RIC8B: variants seen among roughly 807,000 people sequenced by gnomAD.
RIC8B encodes chaperone Ric-8B.
In RIC8B, 16 loss-of-function variants were observed where a neutral mutation model predicts 57.5. That is an observed-to-expected ratio of 0.28 (90% CI 0.19 to 0.42). The LOEUF is 0.42. Ranked by LOEUF, RIC8B falls within the 10% of genes least tolerant of loss-of-function variation. The probability of loss-of-function intolerance (pLI) is 1.00; values close to 1 mark genes in which losing one functional copy is unlikely to be tolerated. For missense variants in RIC8B, 481 were observed against 677.0 expected (o/e 0.71, Z 3.21); for synonymous variants, 216 against 250.8 (o/e 0.86, Z 1.31).
intron 2 of RIC8B, among the ~76,000 whole-genome samples, chr12:106,788,628 C>T: frequency 6.6e-6 from 1 of 152,202 alleles, no homozygotes; most frequent in East Asian, 1.9e-4. Context: ...ATGGAAGCTG[C>T]CAAGGTCTAG....
At chr12:106,824,273 T>G (rs192741906) in intron 3 of RIC8B, among the ~76,000 whole-genome samples, 30 of 152,274 alleles carry the variant, frequency 2.0e-4, no homozygotes, top group Admixed American at 1.9e-3. Context: ...CCCTCCAGTA[T>G]TTGGAGATTC....
At chr12:106,862,526 A>G (rs1011906250) in intron 8 of RIC8B, among the ~76,000 whole-genome samples, 2 of 151,978 alleles carry the variant, frequency 1.3e-5, no homozygotes, top group Non-Finnish European at 2.9e-5. Flanking sequence ...AGTTGTAAAA[A>G]ATTTTTTACC....
chr12:106,828,531 TAAAGA>T (rs1417160274), intron 4 of RIC8B, among the ~76,000 whole-genome samples: 1 of 152,194 alleles, frequency 6.6e-6, no homozygotes, highest in Non-Finnish European at 1.5e-5. Flanking sequence ...TGATTTGCTT[TAAAGA>T]AAAGTTTAAT....
At chr12:106,802,138 T>A (rs1484612980) in intron 2 of RIC8B, among the ~76,000 whole-genome samples, 1 of 152,242 alleles carries the variant, frequency 6.6e-6, no homozygotes, top group Non-Finnish European at 1.5e-5. Context: ...TGACATCTCA[T>A]TTTTTATCTT....
intron 2 of RIC8B, among the ~76,000 whole-genome samples, chr12:106,787,722 C>T (rs879823221): frequency 5.9e-5 from 9 of 152,186 alleles, no homozygotes; most frequent in South Asian, 2.1e-4. Context: ...TTCACTACCA[C>T]GAGAACAGTA....
rs191208417 is a variant in RIC8B, at chr12:106,835,618, T to A, written c.837-6971T>A. 1.8e-3 allele frequency among the ~76,000 whole-genome samples: 277 copies of A among 152,360 alleles called. 1 individual carries two copies. The highest frequency in any genetic ancestry group is 6.3e-3 in the African/African-American group (263 of 41,588). The stretch of plus-strand genomic sequence containing the variant: ...TTCAAACCCAGTGCTTTACTAATTA[T>A]GTTATGCTGCCTTCCCTTACGAAAA... On this transcript the variant is annotated intron_variant, in intron 4 of 9. Coordinates refer to ENST00000392837, the MANE Select transcript of RIC8B (RefSeq NM_001330145.2).
At chr12:106,787,276 A>G (rs916656084) in intron 2 of RIC8B, among the ~76,000 whole-genome samples, 1 of 152,106 alleles carries the variant, frequency 6.6e-6, no homozygotes, top group African/African-American at 2.4e-5. Flanking sequence ...AAACAAATTC[A>G]TTTCTGTGAA....
intron 3 of RIC8B, among the ~76,000 whole-genome samples, chr12:106,819,974 T>A (rs1232801672): frequency 6.6e-6 from 1 of 152,098 alleles, no homozygotes; most frequent in Non-Finnish European, 1.5e-5. Flanking sequence ...CTGAAATTGG[T>A]GGGCCAGCGG....
chr12:106,839,957 G>C (rs2046795990), intron 4 of RIC8B, among the ~76,000 whole-genome samples: 1 of 152,160 alleles, frequency 6.6e-6, no homozygotes, highest in African/African-American at 2.4e-5. Context: ...AGTCAAGGCT[G>C]CAGTGAGCCA....
intron 6 of RIC8B, among the ~76,000 whole-genome samples, chr12:106,851,194 T>G (rs1949457945): frequency 6.6e-6 from 1 of 152,136 alleles, no homozygotes. Flanking sequence ...AACTCGGAAA[T>G]TCTCTTGAGG....
chr12:106,872,327 C>G (rs1240592591), intron 9 of RIC8B, among the ~76,000 whole-genome samples: 2 of 152,132 alleles, frequency 1.3e-5, no homozygotes, highest in African/African-American at 4.8e-5. Context: ...CCAGGAGGAG[C>G]TGATGTAGCT....
At chr12:106,813,823 A>C (rs1048967053) in intron 2 of RIC8B, among the ~76,000 whole-genome samples, 1 of 152,192 alleles carries the variant, frequency 6.6e-6, no homozygotes, top group African/African-American at 2.4e-5. Flanking sequence ...TGCCTCACAT[A>C]TAAGGGTAAG....
intron 8 of RIC8B, among the ~76,000 whole-genome samples, chr12:106,865,654 C>A (rs1040808913): frequency 3.9e-5 from 6 of 152,026 alleles, no homozygotes; most frequent in Non-Finnish European, 1.5e-5. Context: ...AAGCTAAAAT[C>A]TCTCTCTCCA....
chr12:106,875,545 AATAT>A (rs1408774789), intron 9 of RIC8B, among the ~76,000 whole-genome samples: 8 of 152,158 alleles, frequency 5.3e-5, no homozygotes, highest in Non-Finnish European at 2.9e-5. Flanking sequence ...CAAGGGAAAT[AATAT>A]TTCAAGTTAC....
chr12:106,882,923 T>TC (rs2136677828), intron 9 of RIC8B, among the ~76,000 whole-genome samples: 1 of 152,222 alleles, frequency 6.6e-6, no homozygotes, highest in South Asian at 2.1e-4. Flanking sequence ...CATAATGAAA[T>TC]CCTATAATTT....
chr12:106,812,562 C>A (rs1226152480), intron 2 of RIC8B, among the ~76,000 whole-genome samples: 5 of 150,276 alleles, frequency 3.3e-5, no homozygotes, highest in Admixed American at 3.3e-4. Context: ...TTTTATAATA[C>A]CTTATTACAT....
intron 5 of RIC8B, among the ~76,000 whole-genome samples, chr12:106,843,139 C>CA (rs1425558125): frequency 6.6e-6 from 1 of 152,130 alleles, no homozygotes; most frequent in Non-Finnish European, 1.5e-5. Flanking sequence ...AATATCCCCC[C>CA]AAAAACTTGC....
intron 4 of RIC8B, among the ~76,000 whole-genome samples, chr12:106,832,434 G>A (rs142016903): frequency 1.3e-5 from 2 of 152,182 alleles, no homozygotes; most frequent in East Asian, 3.9e-4. Context: ...TGGGCGGGTG[G>A]TGGGCACCTG....
Position 106,870,811 on chromosome 12 carries a change from T to G in RIC8B, c.1452-12T>G. 6.7e-7 allele frequency: 1 copy of G among 1,495,434 alleles called. No individual in the cohort carries two copies. The highest frequency in any genetic ancestry group is 8.9e-7 in the Non-Finnish European group (1 of 1,121,690). 92.6% of individuals were successfully genotyped at this position (1,495,434 alleles called of 1,614,324 possible). On this transcript the variant is annotated splice_polypyrimidine_tract_variant and intron_variant, in intron 8 of 9. Transcript: ENST00000392837. ...TTAAAACATACAGCATAACTTTTTTTTCTTTTTGTAGCATTAATCTTATCA... is the reference window on the plus strand; with the variant it reads ...TTAAAACATACAGCATAACTTTTTTGTCTTTTTGTAGCATTAATCTTATCA...
Sources: gnomAD v4.1 joint callset for allele counts (sites outside exome capture counted in the v4.1 genomes callset) on GRCh38, gnomAD v4.1.1 for gene constraint, MANE v1.5 for transcripts, NCBI Gene and HGNC (gene_info 2026-07-23, HGNC 2026-07-21) for gene names.